EPB41L4A: variants seen among roughly 807,000 people sequenced by gnomAD.
The protein encoded by EPB41L4A is band 4.1-like protein 4A.
EPB41L4A carries 100 observed loss-of-function variants against 108.6 expected under a neutral mutation model. That is an observed-to-expected ratio of 0.92 (90% CI 0.78 to 1.09). EPB41L4A has a LOEUF of 1.09. Among genes scored for constraint, EPB41L4A ranks in the 50% least tolerant of loss-of-function variants. EPB41L4A has a pLI of 0.00. For missense variants in EPB41L4A, 1,030 were observed against 842.7 expected (o/e 1.22, Z -2.75); for synonymous variants, 319 against 289.0 (o/e 1.10, Z -1.05).
intron 1 of EPB41L4A, among the ~76,000 whole-genome samples, chr5:112,313,166 C>T (rs1008321117): frequency 7.2e-5 from 11 of 152,120 alleles, no homozygotes; most frequent in East Asian, 5.8e-4. Flanking sequence ...TGATGTGATG[C>T]GGGAAGTCTT....
At position 112,385,356 on chromosome 5, in the gene EPB41L4A, TAC is replaced by T. The variant is rs1251632558; in HGVS notation, c.99+33583_99+33584del. On this transcript the variant is annotated intron_variant, in intron 1 of 22. Transcript: ENST00000261486. ...GTATGGGCATAGTATGGAAAACCAT[TAC>T]AGAGAGGGCAGAATCCCAGAGCTGG... Among the ~76,000 whole-genome samples the T allele has an allele frequency of 5.9e-5, 9 of 152,144 alleles. No individual in the cohort carries two copies. The East Asian group carries it at 1.7e-3, about 29-fold the overall frequency.
In EPB41L4A at chr5:112,276,840, G is replaced by A. The variant is rs532639614; in HGVS notation, c.257-1436C>T. ...CCTGGAACCCTGTTCCTGGCATGTG[G>A]GAGACCATCAAGATGAGGATCCTGC... On this transcript the variant is annotated intron_variant, in intron 3 of 22. Transcript: ENST00000261486. Among the ~76,000 whole-genome samples, 10 of 152,186 alleles carry A rather than the reference G, an allele frequency of 6.6e-5. No homozygotes were observed. The South Asian group carries it at 1.0e-3, about 16-fold the overall frequency.
intron 1 of EPB41L4A, among the ~76,000 whole-genome samples, chr5:112,363,035 C>A (rs1758876513): frequency 6.6e-6 from 1 of 152,120 alleles, no homozygotes; most frequent in African/African-American, 2.4e-5. Flanking sequence ...GTCCTGACTT[C>A]TTACAATGCA....
chr5:112,416,900 A>G (rs1483825155), intron 1 of EPB41L4A, among the ~76,000 whole-genome samples: 3 of 152,232 alleles, frequency 2.0e-5, no homozygotes, highest in Non-Finnish European at 4.4e-5. Flanking sequence ...AAGGGTGGGT[A>G]GGTGTTTAAC....
intron 2 of EPB41L4A, among the ~76,000 whole-genome samples, chr5:112,294,460 C>T (rs559534243): frequency 2.0e-5 from 3 of 151,998 alleles, no homozygotes; most frequent in South Asian, 2.1e-4. Context: ...AAAAAGTATC[C>T]GATCAAATGG....
At chr5:112,313,285 G>A (rs1347250619) in intron 1 of EPB41L4A, among the ~76,000 whole-genome samples, 1 of 152,130 alleles carries the variant, frequency 6.6e-6, no homozygotes, top group African/African-American at 2.4e-5. Flanking sequence ...GGAGAGATTT[G>A]GTTATCATCA....
chr5:112,209,994 G>A lies in EPB41L4A; in HGVS notation c.1088-12C>T, dbSNP rs370387842. 48 of 1,474,660 alleles carry A rather than the reference G, an allele frequency of 3.3e-5. No individual in the cohort carries two copies. In the African/African-American group the frequency reaches 6.0e-4, roughly 18 times the overall value. 91.3% of individuals were successfully genotyped at this position (1,474,660 alleles called of 1,614,324 possible). ...GATGCTGTTTGATTCTAGCAGAGGA[G>A]GAGAAGGAAAGATGGAAGAGAGAGG... On this transcript the variant is annotated splice_polypyrimidine_tract_variant and intron_variant, in intron 12 of 22. Coordinates refer to ENST00000261486, the MANE Select transcript of EPB41L4A (RefSeq NM_022140.5).
chr5:112,295,844 A>T (rs1450029736), intron 2 of EPB41L4A, among the ~76,000 whole-genome samples: 1 of 152,210 alleles, frequency 6.6e-6, no homozygotes. Flanking sequence ...ATGATCTTGC[A>T]ATTTCCATAC....
At chr5:112,213,776 A>G (rs912887328) in intron 12 of EPB41L4A, among the ~76,000 whole-genome samples, 1 of 152,240 alleles carries the variant, frequency 6.6e-6, no homozygotes, top group Non-Finnish European at 1.5e-5. Flanking sequence ...ACATGGGGAA[A>G]AACCACTTAG....
At position 112,147,415 on chromosome 5, in the gene EPB41L4A, G is replaced by A. The variant is rs193044010; in HGVS notation, n.995-1417C>T. On this transcript the variant is annotated intron_variant and non_coding_transcript_variant, in intron 12 of 13. Coordinates refer to the EPB41L4A transcript ENST00000507810. ...AGCACTTTGGGAGGCCGAGGCAGGC[G>A]GATCACCTGAGGTCAGGAGTTCGAG... Among the ~76,000 whole-genome samples, 296 of 151,846 alleles carry A rather than the reference G, an allele frequency of 1.9e-3. 1 individual carries two copies. The highest frequency in any genetic ancestry group is 6.3e-3 in the African/African-American group (263 of 41,420).
intron 1 of EPB41L4A, among the ~76,000 whole-genome samples, chr5:112,326,303 A>C (rs924140014): frequency 6.6e-6 from 1 of 152,068 alleles, no homozygotes; most frequent in Non-Finnish European, 1.5e-5. Context: ...CGCATCCAGA[A>C]GGAAATTCCA....
chr5:112,149,545 T>C (rs1025975998), intron 12 of EPB41L4A, among the ~76,000 whole-genome samples: 1 of 152,220 alleles, frequency 6.6e-6, no homozygotes, highest in Non-Finnish European at 1.5e-5. Flanking sequence ...CGTTTATACA[T>C]AGCTTGTTAG....
intron 22 of EPB41L4A, among the ~76,000 whole-genome samples, chr5:112,166,169 G>C (rs1480018076): frequency 6.6e-6 from 1 of 152,260 alleles, no homozygotes; most frequent in African/African-American, 2.4e-5. Flanking sequence ...ATTCTTAGCA[G>C]CCTTTGCGTG....
At chr5:112,252,890 T>A (rs1003600369) in intron 9 of EPB41L4A, among the ~76,000 whole-genome samples, 2 of 151,800 alleles carry the variant, frequency 1.3e-5, no homozygotes, top group East Asian at 1.9e-4. Context: ...TTTTAAACCA[T>A]TGAAAAAATA....
At chr5:112,399,729 C>T (rs1450065851) in intron 1 of EPB41L4A, among the ~76,000 whole-genome samples, 1 of 152,200 alleles carries the variant, frequency 6.6e-6, no homozygotes, top group Admixed American at 6.5e-5. Context: ...CGTCTTAAAT[C>T]CCCTTAATGG....
intron 12 of EPB41L4A, among the ~76,000 whole-genome samples, chr5:112,214,194 C>T (rs1428113913): frequency 6.6e-6 from 1 of 152,298 alleles, no homozygotes; most frequent in East Asian, 1.9e-4. Context: ...AAATCCATCC[C>T]ACTAATGGGC....
At chr5:112,231,985 T>C (rs190735434) in intron 12 of EPB41L4A, among the ~76,000 whole-genome samples, 3 of 151,208 alleles carry the variant, frequency 2.0e-5, no homozygotes, top group Non-Finnish European at 4.4e-5. Flanking sequence ...CGTGGTGGCG[T>C]ATGCCTGTAA....
Position 112,264,849 on chromosome 5 carries a change from T to C in EPB41L4A, c.554+47A>G, listed in dbSNP as rs1278758773. The stretch of plus-strand genomic sequence containing the variant: ...AACTTTTCTTGTGAATATCAGAAGA[T>C]GATGACTGATGGATGATGCAATAAG... On this transcript the variant is annotated intron_variant, in intron 6 of 22. Transcript: ENST00000261486. The C allele has an allele frequency of 6.3e-6, 10 of 1,576,470 alleles. No homozygotes were observed. The African/African-American group carries it at 9.6e-5, about 15-fold the overall frequency.
intron 15 of EPB41L4A, among the ~76,000 whole-genome samples, chr5:112,202,308 T>G (rs545528527): frequency 6.6e-6 from 1 of 152,248 alleles, no homozygotes; most frequent in Admixed American, 6.5e-5. Flanking sequence ...GGAAGCGGCT[T>G]CTGGTCTCCA....
Sources: gnomAD v4.1 joint callset for allele counts (sites outside exome capture counted in the v4.1 genomes callset) on GRCh38, gnomAD v4.1.1 for gene constraint, MANE v1.5 for transcripts, NCBI Gene and HGNC (gene_info 2026-07-23, HGNC 2026-07-21) for gene names.